Variants in TLCD4 observed in about 807,000 individuals in gnomAD.
TLCD4 encodes the protein TLC domain-containing protein 4.
In TLCD4, 7 loss-of-function variants were observed where a neutral mutation model predicts 24.2. The ratio of observed to expected loss-of-function variants is 0.29; its 90% CI spans 0.16 to 0.54. TLCD4 has a LOEUF of 0.54. Ranked by LOEUF, TLCD4 falls within the 20% of genes least tolerant of loss-of-function variation. TLCD4 has a pLI of 0.95. For synonymous variants in TLCD4, 103 were observed against 106.4 expected, an observed-to-expected ratio of 0.97 and a Z score of 0.20; for missense variants, 259 against 313.9, an observed-to-expected ratio of 0.82 and a Z score of 1.32.
the TLCD4 span, among the ~76,000 whole-genome samples, chr1:95,101,021 C>T: frequency 6.6e-6 from 1 of 151,888 alleles, no homozygotes; most frequent in Admixed American, 6.6e-5. Context: ...GATTCTCCTG[C>T]CTCAGCCTCC....
intron 5 of TLCD4, among the ~76,000 whole-genome samples, chr1:95,166,169 A>G (rs945277063): frequency 9.2e-5 from 14 of 152,108 alleles, no homozygotes; most frequent in Non-Finnish European, 1.8e-4. Flanking sequence ...ACTTCTCACT[A>G]TGGGGTAGTC....
At chr1:95,151,729 A>G (rs1383910050) in intron 5 of TLCD4, among the ~76,000 whole-genome samples, 2 of 152,112 alleles carry the variant, frequency 1.3e-5, no homozygotes, top group Non-Finnish European at 2.9e-5. Flanking sequence ...GTATTTCTAG[A>G]TGCATTTATG....
At chr1:95,101,544 A>G in the TLCD4 span, among the ~76,000 whole-genome samples, 1 of 151,646 alleles carries the variant, frequency 6.6e-6, no homozygotes, top group African/African-American at 2.4e-5. Context: ...AGGTGTTGGG[A>G]GCCACATTGC....
chr1:95,092,996 C>T, the TLCD4 span, among the ~76,000 whole-genome samples: 1 of 152,224 alleles, frequency 6.6e-6, no homozygotes, highest in Non-Finnish European at 1.5e-5. Context: ...ACCTCAGCCT[C>T]CCAGAGTGCT....
At chr1:95,154,996 A>G (rs1217731734) in intron 5 of TLCD4, among the ~76,000 whole-genome samples, 1 of 151,636 alleles carries the variant, frequency 6.6e-6, no homozygotes, top group African/African-American at 2.4e-5. Flanking sequence ...TCCTACCAAC[A>G]TATAGTCGTA....
rs1679137716 is a variant in TLCD4 at position 95,194,664 on chromosome 1, TGTA to T, written c.*2800_*2802del. The T allele has an allele frequency of 6.6e-6, 1 of 152,110 alleles. No individual in the cohort carries two copies. Among genetic ancestry groups the T allele is most frequent in the South Asian group, 2.1e-4 (1 of 4,834 alleles). 9.4% of individuals were successfully genotyped at this position (152,110 alleles called of 1,614,324 possible). Reference sequence around the variant, plus strand: ...TAATTATAAAGATGTTTTTTGAATGTGTAGTATCCTAGAAAATAAAAGTTCTTG... The same window carrying T: ...TAATTATAAAGATGTTTTTTGAATGTGTATCCTAGAAAATAAAAGTTCTTG... On this transcript the variant is annotated 3_prime_UTR_variant, in exon 7 of 7. Transcript: ENST00000370203.
At chr1:95,104,663 C>CAAAAAAAAAAAAAAAA in the TLCD4 span, among the ~76,000 whole-genome samples, 10 of 40,606 alleles carry the variant, frequency 2.5e-4, no homozygotes, top group South Asian at 1.1e-3. Context: ...GACTCCGTCT[C>CAAAAAAAAAAAAAAAA]AAAAAAAAAA....
intron 1 of TLCD4, among the ~76,000 whole-genome samples, chr1:95,139,381 A>C (rs928969549): frequency 2.6e-5 from 4 of 151,068 alleles, no homozygotes; most frequent in African/African-American, 4.9e-5. Context: ...TGATTTTAAA[A>C]ATTTCTTTTT....
chr1:95,175,201 G>T (rs1016766498), intron 6 of TLCD4, among the ~76,000 whole-genome samples: 1 of 151,954 alleles, frequency 6.6e-6, no homozygotes, highest in East Asian at 1.9e-4. Flanking sequence ...CACTAATTTC[G>T]CTCTCCTGCA....
intron 1 of TLCD4, among the ~76,000 whole-genome samples, chr1:95,126,338 G>C (rs994182801): frequency 1.4e-4 from 21 of 150,900 alleles, no homozygotes; most frequent in African/African-American, 2.4e-5. Flanking sequence ...TGAGGCAGGA[G>C]AGTTGCTTGA....
intron 6 of TLCD4, among the ~76,000 whole-genome samples, chr1:95,189,232 G>T (rs1030628586): frequency 6.6e-6 from 1 of 152,018 alleles, no homozygotes. Flanking sequence ...AGAGTACATT[G>T]CCTGTATACA....
chr1:95,100,112 AT>A, the TLCD4 span, among the ~76,000 whole-genome samples: 1 of 152,142 alleles, frequency 6.6e-6, no homozygotes, highest in Non-Finnish European at 1.5e-5. Context: ...CTCAAAAAAA[AT>A]ATGTATATGC....
chr1:95,119,345 G>T (rs1676511107), intron 1 of TLCD4, among the ~76,000 whole-genome samples: 1 of 152,140 alleles, frequency 6.6e-6, no homozygotes, highest in African/African-American at 2.4e-5. Flanking sequence ...TCATCTGATT[G>T]CCAAGGGAAG....
At chr1:95,096,017 T>G in the TLCD4 span, among the ~76,000 whole-genome samples, 1 of 152,204 alleles carries the variant, frequency 6.6e-6, no homozygotes, top group Non-Finnish European at 1.5e-5. Flanking sequence ...CATTCAAGAC[T>G]TTAGTCATTG....
At chr1:95,106,447 T>A in the TLCD4 span, among the ~76,000 whole-genome samples, 2 of 152,222 alleles carry the variant, frequency 1.3e-5, no homozygotes, top group Non-Finnish European at 2.9e-5. Context: ...ACGCCTGTAA[T>A]CCTACCACTT....
intron 6 of TLCD4, among the ~76,000 whole-genome samples, chr1:95,185,865 A>C (rs77581968): frequency 0.041 from 6,185 of 152,292 alleles, 171 homozygotes; most frequent in Admixed American, 0.069. Context: ...CAGCACCCCT[A>C]ACCCTGGTGT....
the TLCD4 span, among the ~76,000 whole-genome samples, chr1:95,098,282 C>T: frequency 3.6e-3 from 555 of 152,270 alleles, 2 homozygotes; most frequent in African/African-American, 0.013. Context: ...AACTGGTTGC[C>T]CTGCCCCATT....
chr1:95,159,585 C>T (rs541116449), intron 5 of TLCD4, among the ~76,000 whole-genome samples: 5 of 152,272 alleles, frequency 3.3e-5, no homozygotes, highest in Admixed American at 6.5e-5. Flanking sequence ...TTGCCCATGC[C>T]TATGTCCTGA....
At chr1:95,119,198 A>G (rs1310918215) in intron 1 of TLCD4, among the ~76,000 whole-genome samples, 2 of 152,228 alleles carry the variant, frequency 1.3e-5, no homozygotes, top group African/African-American at 4.8e-5. Context: ...TAGGAATGGC[A>G]TGCTCAAGGT....
Sources: gnomAD v4.1 joint callset for allele counts (sites outside exome capture counted in the v4.1 genomes callset) on GRCh38, gnomAD v4.1.1 for gene constraint, MANE v1.5 for transcripts, NCBI Gene and HGNC (gene_info 2026-07-23, HGNC 2026-07-21) for gene names.